The following MBNL3 variants were observed in gnomAD, a reference collection of about 807,000 sequenced individuals.
The protein encoded by MBNL3 is muscleblind-like protein 3.
A neutral mutation model predicts 24.5 loss-of-function variants in MBNL3; 6 were observed. The ratio of observed to expected loss-of-function variants is 0.25; its 90% CI spans 0.13 to 0.48. The LOEUF (loss-of-function observed/expected upper bound fraction) is 0.48. MBNL3 is among the 20% of genes least tolerant of loss of function. The pLI is 0.99. For missense variants in MBNL3, 230 were observed against 293.5 expected (o/e 0.78, Z 1.58); for synonymous variants, 100 against 101.7 (o/e 0.98, Z 0.10).
chrX:132,459,576 A>G (rs1026747538), intron 1 of MBNL3, among the ~76,000 whole-genome samples: 1 of 112,003 alleles, frequency 8.9e-6, no homozygotes, highest in African/African-American at 3.2e-5. Context: ...AAAGTTGTCT[A>G]TTTCTGTGAA....
chrX:132,479,938 A>G (rs1947645471), intron 1 of MBNL3, among the ~76,000 whole-genome samples: 1 of 111,522 alleles, frequency 9.0e-6, no homozygotes, highest in African/African-American at 3.3e-5. Context: ...GGTACCTACC[A>G]AAGAACTCAG....
intron 7 of MBNL3, among the ~76,000 whole-genome samples, 181 bp from the exon 8 acceptor site, chrX:132,382,453 G>A (rs183126997): frequency 1.8e-5 from 2 of 111,748 alleles, no homozygotes; most frequent in African/African-American, 6.5e-5. Context: ...AGCATGGAAG[G>A]GGGGAAAATT....
At position 132,406,730 on chromosome X, in the gene MBNL3, A is replaced by G. The variant is rs1033864923; in HGVS notation, c.178-338T>C. On this transcript the variant is annotated intron_variant, in intron 2 of 8. Transcript: ENST00000370853. ...GTATGTCAGTTCCGTGGAATCAAAC[A>G]TGCTTTTGGTGTCACCTAAATGTTG... is the stretch of plus-strand genomic sequence containing the variant. Among the ~76,000 whole-genome samples the G allele has an allele frequency of 3.6e-5, 4 of 111,827 alleles. No individual in the cohort carries two copies. The Admixed American group carries it at 3.8e-4, about 11-fold the overall frequency.
At chrX:132,410,671 T>A (rs778201709) in intron 2 of MBNL3, among the ~76,000 whole-genome samples, 1 of 112,558 alleles carries the variant, frequency 8.9e-6, no homozygotes, top group Non-Finnish European at 1.9e-5. Context: ...TCATAATGGA[T>A]TAAATGAAAT....
upstream of MBNL3, chrX:132,489,727 C>G (rs1300482802): frequency 3.7e-5 from 4 of 108,628 alleles, no homozygotes; most frequent in Admixed American, 3.8e-4. Context: ...GGGCGGGCAT[C>G]CGGAGCGCCG....
intron 2 of MBNL3, among the ~76,000 whole-genome samples, chrX:132,422,508 T>C (rs893911576): frequency 1.8e-5 from 2 of 111,911 alleles, no homozygotes; most frequent in Non-Finnish European, 3.8e-5. Flanking sequence ...TTTCATGCAA[T>C]ACCTCTCAGA....
intron 1 of MBNL3, among the ~76,000 whole-genome samples, chrX:132,450,911 T>TAACA (rs1317826976): frequency 1.8e-5 from 2 of 112,661 alleles, no homozygotes; most frequent in Non-Finnish European, 3.7e-5. Context: ...GTTTTCCTTC[T>TAACA]AACAGTCAGG....
At chrX:132,414,794 G>A (rs1159996499) in intron 2 of MBNL3, among the ~76,000 whole-genome samples, 2 of 110,705 alleles carry the variant, frequency 1.8e-5, no homozygotes, top group Non-Finnish European at 3.8e-5. Flanking sequence ...GTGTTTTACA[G>A]GTCAAGTTTT....
At chrX:132,447,593 C>T (rs924145127) in intron 1 of MBNL3, among the ~76,000 whole-genome samples, 4 of 111,961 alleles carry the variant, frequency 3.6e-5, no homozygotes, top group Non-Finnish European at 7.5e-5. Context: ...GATTTTTGCA[C>T]ATTGATTTTG....
intron 2 of MBNL3, among the ~76,000 whole-genome samples, chrX:132,421,840 T>C (rs1244661731): frequency 9.0e-6 from 1 of 111,270 alleles, no homozygotes. Flanking sequence ...ATTAAAATGA[T>C]AACAAGAAAG....
intron 1 of MBNL3, among the ~76,000 whole-genome samples, chrX:132,450,760 A>G (rs772479678): frequency 2.9e-4 from 32 of 111,207 alleles, no homozygotes; most frequent in African/African-American, 1.0e-3. Context: ...AGTTTTTGGA[A>G]TTTTCAGCCT....
intron 1 of MBNL3, among the ~76,000 whole-genome samples, chrX:132,446,411 A>G (rs1945723254): frequency 8.9e-6 from 1 of 112,149 alleles, no homozygotes. Flanking sequence ...CACATCCACC[A>G]ACAGTGAAAA....
intron 1 of MBNL3, among the ~76,000 whole-genome samples, chrX:132,452,209 T>C (rs1946151513): frequency 8.9e-6 from 1 of 111,948 alleles, no homozygotes; most frequent in African/African-American, 3.3e-5. Context: ...CTAAACATAG[T>C]TGTTATTAAA....
Position 132,389,158 on chromosome X carries a change from G to A in MBNL3, c.771+1689C>T, listed in dbSNP as rs760345281. Reference sequence around the variant, plus strand: ...TAATTACCCCTTCAAAAGCATTTAAGACAAAAAGAATTTGGTAAAGTCTTT... The same window carrying A: ...TAATTACCCCTTCAAAAGCATTTAAAACAAAAAGAATTTGGTAAAGTCTTT... On this transcript the variant is annotated intron_variant, in intron 5 of 8. Transcript: ENST00000370853. 7.7e-4 allele frequency among the ~76,000 whole-genome samples: 86 copies of A among 112,214 alleles called. 2 individuals are homozygous for A. The highest frequency in any genetic ancestry group is 2.7e-3 in the African/African-American group (83 of 30,936).
intron 2 of MBNL3, among the ~76,000 whole-genome samples, chrX:132,423,292 CAG>C (rs1389213794): frequency 9.0e-6 from 1 of 111,352 alleles, no homozygotes; most frequent in Non-Finnish European, 1.9e-5. Flanking sequence ...TAAACATTTC[CAG>C]AGTGTTTTCT....
In MBNL3 at chrX:132,375,332, T is replaced by C. The variant is rs1175765148; in HGVS notation, c.*4334A>G. 1 of 111,201 alleles carries C rather than the reference T, an allele frequency of 9.0e-6. No individual in the cohort carries two copies. The highest frequency in any genetic ancestry group is 1.9e-5 in the Non-Finnish European group (1 of 52,721). The allele number at this position is 111,201 out of a possible 1,213,427, so 9.2% of individuals were successfully genotyped here. A position where few individuals can be genotyped will look rare whatever the true frequency, so the allele number is the denominator to read the frequency against. ...TTAAATTGTGAACTGTAAAGGATAG[T>C]TTTGGACTATAATCTGTATCTTGTC... On this transcript the variant is annotated 3_prime_UTR_variant, in exon 9 of 9. Transcript: ENST00000370853.
intron 1 of MBNL3, among the ~76,000 whole-genome samples, chrX:132,462,265 T>A (rs1946666266): frequency 8.9e-6 from 1 of 112,085 alleles, no homozygotes; most frequent in Non-Finnish European, 1.9e-5. Flanking sequence ...AAACTCCCAA[T>A]TTTCATGGCA....
intron 3 of MBNL3, among the ~76,000 whole-genome samples, chrX:132,399,433 TA>T (rs956504607): frequency 1.3e-4 from 14 of 110,333 alleles, no homozygotes; most frequent in African/African-American, 4.3e-4. Flanking sequence ...TTAAGAGTTC[TA>T]AAAAAAAGTG....
At chrX:132,439,294 T>C (rs1285529693) in intron 2 of MBNL3, 141 bp downstream of exon 2, 2 of 663,469 alleles carry the variant, frequency 3.0e-6, no homozygotes, top group Admixed American at 4.5e-5. Flanking sequence ...ACCTTCTATC[T>C]TGACATTCTG....
Sources: gnomAD v4.1 joint callset for allele counts (sites outside exome capture counted in the v4.1 genomes callset) on GRCh38, gnomAD v4.1.1 for gene constraint, MANE v1.5 for transcripts, NCBI Gene and HGNC (gene_info 2026-07-23, HGNC 2026-07-21) for gene names.